Variants in MCTP2 observed in about 807,000 individuals in gnomAD.
MCTP2 encodes the protein multiple C2 and transmembrane domain containing 2.
A neutral mutation model predicts 111.6 loss-of-function variants in MCTP2; 132 were observed. The observed-to-expected ratio is 1.18, with a 90% confidence interval of 1.03 to 1.37. The LOEUF is 1.37. Among genes scored for constraint, MCTP2 ranks in the 40% most tolerant of loss-of-function variants. MCTP2 has a pLI of 0.00. For missense variants in MCTP2, 1,183 were observed against 1,067.9 expected (o/e 1.11, Z -1.50); for synonymous variants, 395 against 387.7 (o/e 1.02, Z -0.22).
chr15:94,462,269 A>G (rs997450871), intron 20 of MCTP2, among the ~76,000 whole-genome samples: 2 of 152,214 alleles, frequency 1.3e-5, no homozygotes, highest in Non-Finnish European at 2.9e-5. Flanking sequence ...CTTCCATATT[A>G]GTGAGCTCAT....
intron 20 of MCTP2, among the ~76,000 whole-genome samples, chr15:94,464,259 A>ATATATATATATATATATATAT (rs2085430231): frequency 2.4e-5 from 1 of 42,154 alleles, no homozygotes; most frequent in South Asian, 8.3e-4. Flanking sequence ...TATATATATT[A>ATATATATATATATATATATAT]TATATATATA....
chr15:94,332,323 GA>G (rs527635372), intron 4 of MCTP2, among the ~76,000 whole-genome samples: 335 of 152,138 alleles, frequency 2.2e-3, no homozygotes, highest in Non-Finnish European at 3.8e-3. Flanking sequence ...CCATCTAAAA[GA>G]AGCTCAGGGC....
chr15:94,388,023 G>A (rs1311392047), intron 14 of MCTP2, among the ~76,000 whole-genome samples: 1 of 152,178 alleles, frequency 6.6e-6, no homozygotes, highest in Non-Finnish European at 1.5e-5. Context: ...GAACAGGAAA[G>A]GACACAGAGG....
chr15:94,411,679 C>T (rs1567654257), intron 17 of MCTP2, among the ~76,000 whole-genome samples: 1 of 151,908 alleles, frequency 6.6e-6, no homozygotes. Context: ...GTGTCATTGG[C>T]TTTTTAAATA....
chr15:94,252,583 G>C (rs2072507586), intron 1 of MCTP2, among the ~76,000 whole-genome samples: 1 of 151,912 alleles, frequency 6.6e-6, no homozygotes. Context: ...GTGACACAGA[G>C]TGGAGAAAAA....
chr15:94,424,259 T>C (rs2082768284), intron 17 of MCTP2, among the ~76,000 whole-genome samples: 2 of 152,252 alleles, frequency 1.3e-5, no homozygotes, highest in South Asian at 4.1e-4. Flanking sequence ...TTATCCATTC[T>C]ATTCTAGATG....
intron 1 of MCTP2, among the ~76,000 whole-genome samples, chr15:94,246,868 A>G (rs1031087297): frequency 3.3e-5 from 5 of 152,220 alleles, no homozygotes; most frequent in Admixed American, 2.6e-4. Context: ...TTTAATATTG[A>G]TAAGTGTTCT....
chr15:94,358,436 G>T (rs911837921), intron 9 of MCTP2, 46 bp from the exon 10 acceptor site: 11 of 1,555,418 alleles, frequency 7.1e-6, no homozygotes, highest in African/African-American at 1.4e-5. Flanking sequence ...CTGTAGCAAT[G>T]AATGACATTT....
chr15:94,330,845 C>T (rs1379783448), intron 4 of MCTP2, among the ~76,000 whole-genome samples: 2 of 145,538 alleles, frequency 1.4e-5, no homozygotes, highest in Non-Finnish European at 2.9e-5. Flanking sequence ...AGCAGTCCCC[C>T]GACTTTAGCC....
chr15:94,429,698 A>G (rs2083074952), intron 17 of MCTP2, among the ~76,000 whole-genome samples: 1 of 152,158 alleles, frequency 6.6e-6, no homozygotes, highest in Admixed American at 6.5e-5. Flanking sequence ...CTTCCTTGCT[A>G]AGGTTATCCA....
intron 1 of MCTP2, among the ~76,000 whole-genome samples, chr15:94,234,897 G>A (rs1332304770): frequency 6.6e-6 from 1 of 152,130 alleles, no homozygotes; most frequent in Non-Finnish European, 1.5e-5. Context: ...CTTGAGCTGA[G>A]TTTGGAGTTA....
chr15:94,354,890 A>G (rs544148403), intron 8 of MCTP2, among the ~76,000 whole-genome samples: 2 of 152,324 alleles, frequency 1.3e-5, no homozygotes, highest in Admixed American at 6.5e-5. Context: ...GATCTGGAAG[A>G]TATAGCGAGC....
intron 1 of MCTP2, among the ~76,000 whole-genome samples, chr15:94,263,830 A>G (rs1476266484): frequency 1.3e-5 from 2 of 152,254 alleles, no homozygotes; most frequent in South Asian, 2.1e-4. Flanking sequence ...CTGTGGGGTT[A>G]TAAAGAAACT....
In MCTP2 at chr15:94,298,585, A is replaced by C. The variant is rs2075383921; in HGVS notation, c.320A>C (p.Gln107Pro). The change falls in exon 2 of 23, where the codon CAG becomes CCG. Residue 107 changes from glutamine (Q) to proline (P), a missense_variant. By Grantham distance (76) the Gln-to-Pro change is moderately conservative. Coordinates refer to ENST00000357742, the MANE Select transcript of MCTP2 (RefSeq NM_001385001.1). The stretch of plus-strand genomic sequence containing the variant: ...TCTGAAGAAGAATTGGATTGGAGCC[A>C]GGAAGAAGCCAGTCACCTCCATGTG... ...KQSEEELDWSQEEASHLHVVE... is the reference protein window; with the variant it reads ...KQSEEELDWSPEEASHLHVVE... 6.2e-7 allele frequency: 1 copy of C among 1,614,152 alleles called. No individual in the cohort carries two copies. Among genetic ancestry groups the C allele is most frequent in the South Asian group, 1.1e-5 (1 of 91,088 alleles).
chr15:94,345,031 C>T, intron 7 of MCTP2, 98 bp from the exon 8 acceptor site: 3 of 1,364,178 alleles, frequency 2.2e-6, no homozygotes, highest in Non-Finnish European at 3.1e-6. Flanking sequence ...CTGAATGTAA[C>T]CTGGACCATC....
chr15:94,268,569 C>A (rs546916915), intron 1 of MCTP2, among the ~76,000 whole-genome samples: 1 of 152,180 alleles, frequency 6.6e-6, no homozygotes, highest in African/African-American at 2.4e-5. Context: ...TTCTTGTTTT[C>A]TCCCTTGGCT....
chr15:94,443,508 A>G (rs1010006299), intron 19 of MCTP2, among the ~76,000 whole-genome samples: 2 of 152,218 alleles, frequency 1.3e-5, no homozygotes, highest in African/African-American at 2.4e-5. Flanking sequence ...GAAATGCCAA[A>G]TGAGATGCTA....
chr15:94,453,260 A>C (rs1011909106), intron 19 of MCTP2, among the ~76,000 whole-genome samples: 2 of 152,152 alleles, frequency 1.3e-5, no homozygotes, highest in Admixed American at 1.3e-4. Context: ...CACCAGGTTA[A>C]CTCTAACAAC....
At chr15:94,470,789 A>G (rs1446297515) in intron 21 of MCTP2, among the ~76,000 whole-genome samples, 6 of 43,934 alleles carry the variant, frequency 1.4e-4, no homozygotes, top group Non-Finnish European at 2.2e-4. Context: ...GCAAACACCT[A>G]CCTGCATCAT....
Sources: allele counts gnomAD v4.1 joint callset (sites outside exome capture counted in the v4.1 genomes callset), GRCh38; gene constraint gnomAD v4.1.1; transcripts MANE v1.5; gene names NCBI Gene and HGNC (gene_info 2026-07-23, HGNC 2026-07-21).